Variants in CFAP20DC observed in about 807,000 individuals in gnomAD.
CFAP20DC encodes the protein CFAP20 domain containing, also known as protein CFAP20DC.
A neutral mutation model predicts 101.7 loss-of-function variants in CFAP20DC; 84 were observed. The observed-to-expected ratio is 0.83, with a 90% CI of 0.69 to 0.99. The LOEUF is 0.99. Ranked by LOEUF, CFAP20DC falls within the 50% of genes least tolerant of loss-of-function variation. The pLI is 0.00. For synonymous variants in CFAP20DC, 359 were observed against 351.2 expected, an observed-to-expected ratio of 1.02 and a Z score of -0.25; for missense variants, 1,007 against 970.3, an observed-to-expected ratio of 1.04 and a Z score of -0.50.
chr3:59,047,316 A>G, intron 1 of CFAP20DC, 62 bp from the exon 2 acceptor site: 1 of 1,117,494 alleles, frequency 8.9e-7, no homozygotes, highest in South Asian at 1.4e-5. Context: ...TCCACCACAT[A>G]GTCTATAACC....
At position 59,001,847 on chromosome 3, in the gene CFAP20DC, A is replaced by G. The variant is rs1487509587; in HGVS notation, c.278+37710T>C. On this transcript the variant is annotated intron_variant, in intron 4 of 16. Coordinates refer to ENST00000482387, the MANE Select transcript of CFAP20DC (RefSeq NM_001394063.1). This position sits in a 1 kb window ranked among gnomAD's most constrained non-coding sequence, Gnocchi z 4.5. ...AGTACCTGATGTTACTATAGTAATC[A>G]GTGGGCTTCCTGGGCTCTCTGCCAA... 6.6e-6 allele frequency among the ~76,000 whole-genome samples: 1 copy of G among 152,188 alleles called. No homozygotes were observed. The highest frequency in any genetic ancestry group is 1.5e-5 in the Non-Finnish European group (1 of 68,036).
At chr3:58,804,280 CCT>C (rs1025759224) in intron 15 of CFAP20DC, among the ~76,000 whole-genome samples, 50 of 152,096 alleles carry the variant, frequency 3.3e-4, no homozygotes, top group Non-Finnish European at 6.2e-4. Context: ...AATTAGGTCC[CCT>C]TTCTCCTTTT....
intron 15 of CFAP20DC, among the ~76,000 whole-genome samples, chr3:58,759,147 C>G (rs2069272987): frequency 6.6e-6 from 1 of 152,024 alleles, no homozygotes; most frequent in Non-Finnish European, 1.5e-5. Context: ...AGTTTACAGT[C>G]CCACCAACAG....
chr3:58,765,232 A>T (rs1171837012), intron 15 of CFAP20DC, among the ~76,000 whole-genome samples: 1 of 152,142 alleles, frequency 6.6e-6, no homozygotes, highest in African/African-American at 2.4e-5. Flanking sequence ...TATTTTATTA[A>T]TGTGCTTCCT....
intron 4 of CFAP20DC, among the ~76,000 whole-genome samples, chr3:58,998,632 C>T (rs1305553701): frequency 6.6e-6 from 1 of 152,120 alleles, no homozygotes; most frequent in Non-Finnish European, 1.5e-5. Flanking sequence ...GAGGATATAG[C>T]CCCACCCTGT....
At chr3:58,886,711 T>TA (rs1310705179) in intron 6 of CFAP20DC, among the ~76,000 whole-genome samples, 3 of 149,110 alleles carry the variant, frequency 2.0e-5, no homozygotes, top group Admixed American at 6.7e-5. Context: ...GACCCTGTCT[T>TA]AAAAAAAAGA....
intron 12 of CFAP20DC, among the ~76,000 whole-genome samples, chr3:58,858,503 C>T (rs1215614786): frequency 6.6e-6 from 1 of 152,112 alleles, no homozygotes; most frequent in Non-Finnish European, 1.5e-5. Flanking sequence ...CTCTTGAGGG[C>T]CACCTACTTG....
intron 15 of CFAP20DC, among the ~76,000 whole-genome samples, chr3:58,780,960 T>A (rs2071775552): frequency 6.6e-6 from 1 of 151,982 alleles, no homozygotes; most frequent in South Asian, 2.1e-4. Context: ...TTAAAGAACA[T>A]TTCATTCAAC....
intron 6 of CFAP20DC, among the ~76,000 whole-genome samples, chr3:58,904,476 T>C (rs2083422960): frequency 6.6e-6 from 1 of 152,088 alleles, no homozygotes; most frequent in Non-Finnish European, 1.5e-5. Flanking sequence ...AAAGGGCATT[T>C]TGAGTTCATC....
At chr3:58,986,099 A>G (rs2092740956) in intron 4 of CFAP20DC, among the ~76,000 whole-genome samples, 1 of 152,222 alleles carries the variant, frequency 6.6e-6, no homozygotes, top group African/African-American at 2.4e-5. Context: ...GCTAATGAAT[A>G]TTCCCTAACT....
chr3:58,752,811 T>C (rs2068666816), intron 16 of CFAP20DC, among the ~76,000 whole-genome samples: 1 of 152,182 alleles, frequency 6.6e-6, no homozygotes, highest in African/African-American at 2.4e-5. Flanking sequence ...AAAAATGCGA[T>C]GCTCTACTTT....
In CFAP20DC at chr3:58,795,402, C is replaced by G. The variant is rs991748048; in HGVS notation, c.2237+10993G>C. Among the ~76,000 whole-genome samples the G allele has an allele frequency of 1.3e-5, 2 of 152,070 alleles. No individual in the cohort carries two copies. Among genetic ancestry groups the G allele is most frequent in the African/African-American group, 4.8e-5 (2 of 41,398 alleles). On this transcript the variant is annotated intron_variant, in intron 15 of 16. Transcript: ENST00000482387. This position sits in a 1 kb window ranked among gnomAD's most constrained non-coding sequence, Gnocchi z 4.2. ...CCTGTAACCCAGCCCTTTGGGAGGC[C>G]AAGGTGGAGGGACGGTTGCTTGAGC... is the stretch of plus-strand genomic sequence containing the variant.
intron 3 of CFAP20DC, among the ~76,000 whole-genome samples, chr3:58,735,340 T>C (rs986169362): frequency 2.0e-5 from 3 of 152,138 alleles, no homozygotes; most frequent in Non-Finnish European, 2.9e-5. Context: ...CAAAACAAAA[T>C]AGGTCATGTT....
At chr3:59,040,089 GACA>G (rs1475268185) in intron 3 of CFAP20DC, among the ~76,000 whole-genome samples, 1 of 151,942 alleles carries the variant, frequency 6.6e-6, no homozygotes, top group Non-Finnish European at 1.5e-5. Context: ...TTCTAATTAT[GACA>G]ACTACAACTG....
chr3:58,856,291 C>CAT (rs1190071132), intron 12 of CFAP20DC, among the ~76,000 whole-genome samples: 1 of 149,806 alleles, frequency 6.7e-6, no homozygotes, highest in Non-Finnish European at 1.5e-5. Context: ...CACACACACA[C>CAT]ACACACACAC....
chr3:58,998,104 C>T (rs1364831197), intron 4 of CFAP20DC, among the ~76,000 whole-genome samples: 1 of 152,142 alleles, frequency 6.6e-6, no homozygotes, highest in East Asian at 1.9e-4. Flanking sequence ...ACTTTGGTAG[C>T]TGTGGGGTAG....
In CFAP20DC at chr3:59,006,809, C is replaced by T. The variant is rs746571840; in HGVS notation, c.278+32748G>A. 7.8e-4 allele frequency among the ~76,000 whole-genome samples: 119 copies of T among 152,264 alleles called. No individual in the cohort carries two copies. Among genetic ancestry groups the T allele is most frequent in the Non-Finnish European group, 1.6e-3 (106 of 68,024 alleles). On this transcript the variant is annotated intron_variant, in intron 4 of 16. Coordinates refer to ENST00000482387, the MANE Select transcript of CFAP20DC (RefSeq NM_001394063.1). The surrounding 1 kb of genome is among the most constrained non-coding windows in gnomAD (Gnocchi z 4.3). ...ATAGTTTCAACTGGACACAAGCTTT[C>T]TTGATCAGAATCTGGGTGGGGAGCA...
chr3:58,855,770 G>A (rs1420219061), intron 12 of CFAP20DC, among the ~76,000 whole-genome samples: 2 of 146,910 alleles, frequency 1.4e-5, no homozygotes, highest in African/African-American at 2.5e-5. Flanking sequence ...TCACTCATAG[G>A]TGGGAAATGA....
At chr3:58,774,605 T>A (rs976646841) in intron 15 of CFAP20DC, among the ~76,000 whole-genome samples, 2 of 152,210 alleles carry the variant, frequency 1.3e-5, no homozygotes, top group Non-Finnish European at 2.9e-5. Flanking sequence ...GTCATCCTAG[T>A]TGGTGATGGA....
Sources: gnomAD v4.1 joint callset for allele counts (sites outside exome capture counted in the v4.1 genomes callset) on GRCh38, gnomAD v4.1.1 for gene constraint, Gnocchi (gnomAD v3.1) non-coding constraint, MANE v1.5 for transcripts, NCBI Gene and HGNC (gene_info 2026-07-23, HGNC 2026-07-21) for gene names.